Variants in TRA2A observed in about 807,000 individuals in gnomAD.
TRA2A encodes the protein transformer-2 protein homolog alpha.
Under a neutral mutation model 45.7 loss-of-function variants are expected in TRA2A, and 31 were observed. The ratio of observed to expected loss-of-function variants is 0.68; its 90% confidence interval spans 0.51 to 0.92. The LOEUF (loss-of-function observed/expected upper bound fraction) is 0.92, where lower values mean the gene tolerates loss of function less well. Among genes scored for constraint, TRA2A ranks in the 40% least tolerant of loss-of-function variants. The pLI, the probability that TRA2A is intolerant of heterozygous loss-of-function variation, is 0.00. For missense variants in TRA2A, 304 were observed against 367.5 expected (o/e 0.83, Z 1.41); for synonymous variants, 132 against 126.2 (o/e 1.05, Z -0.31).
At chr7:23,515,460 G>A (rs1328197158) in intron 3 of TRA2A, among the ~76,000 whole-genome samples, 1 of 151,748 alleles carries the variant, frequency 6.6e-6, no homozygotes, top group South Asian at 2.1e-4. Flanking sequence ...CTCGTGATCC[G>A]CCCACCTCGG....
At chr7:23,516,616 A>C (rs1020938084) in intron 2 of TRA2A, 88 bp from the exon 3 acceptor site, 69 of 1,204,972 alleles carry the variant, frequency 5.7e-5, no homozygotes, top group Non-Finnish European at 8.4e-6. Context: ...TATATCCCTA[A>C]CTATTCTCAG....
intron 5 of TRA2A, 185 bp from the exon 6 acceptor site, chr7:23,506,451 A>T: frequency 3.5e-6 from 2 of 568,214 alleles, no homozygotes; most frequent in Middle Eastern, 4.3e-4. Context: ...CTACATACAT[A>T]ATCAAGAAGG....
chr7:23,524,993 T>C (rs1303260065), intron 1 of TRA2A, among the ~76,000 whole-genome samples: 1 of 152,158 alleles, frequency 6.6e-6, no homozygotes, highest in Non-Finnish European at 1.5e-5. Flanking sequence ...CCCAGCTTCA[T>C]TTTAACTTTC....
chr7:23,511,431 A>C (rs188339241), intron 4 of TRA2A, among the ~76,000 whole-genome samples: 145 of 145,994 alleles, frequency 9.9e-4, no homozygotes, highest in Non-Finnish European at 1.8e-3. Flanking sequence ...GAAAAGAAAA[A>C]CACCCTGATT....
intron 4 of TRA2A, among the ~76,000 whole-genome samples, chr7:23,510,951 C>A (rs1789573447): frequency 1.3e-5 from 2 of 152,144 alleles, no homozygotes; most frequent in South Asian, 4.1e-4. Flanking sequence ...GGTTTCTCAA[C>A]CTTAGCACTA....
Position 23,505,585 on chromosome 7 carries a change from C to CAAAAAAAAAAAAAAAAAAAAA in TRA2A, c.839-37_839-17dup, listed in dbSNP as rs5882904. On this transcript the variant is annotated splice_polypyrimidine_tract_variant and intron_variant, in intron 7 of 7. Transcript: ENST00000297071. ...CAATAGCGTCCTAAAAGAGAAAAAGCAAAAAAAAAAAAAAAAAAAAAAAGT... is the reference window on the plus strand; with the variant it reads ...CAATAGCGTCCTAAAAGAGAAAAAGCAAAAAAAAAAAAAAAAAAAAAAAAAAAAAAAAAAAAAAAAAAAAGT... 20 of 244,994 alleles carry CAAAAAAAAAAAAAAAAAAAAA rather than the reference C, an allele frequency of 8.2e-5. No homozygotes were observed. The highest frequency in any genetic ancestry group is 5.1e-4 in the South Asian group (5 of 9,820). The allele number at this position is 244,994 out of a possible 1,614,324, so 15.2% of individuals were successfully genotyped here.
intron 5 of TRA2A, among the ~76,000 whole-genome samples, chr7:23,506,657 G>C (rs1421461833): frequency 6.6e-6 from 1 of 152,084 alleles, no homozygotes; most frequent in East Asian, 1.9e-4. Flanking sequence ...GTGACTAAAA[G>C]GCAATAAACA....
At chr7:23,518,454 G>A (rs1789986081) in intron 2 of TRA2A, among the ~76,000 whole-genome samples, 1 of 152,058 alleles carries the variant, frequency 6.6e-6, no homozygotes, top group African/African-American at 2.4e-5. Flanking sequence ...TGATTCTCCT[G>A]CCTCAGCCTC....
chr7:23,522,268 TAAAA>T, intron 1 of TRA2A: 1 of 1,111,054 alleles, frequency 9.0e-7, no homozygotes, highest in Non-Finnish European at 1.1e-6. Flanking sequence ...AAAATAGCCT[TAAAA>T]AAATATTCAA....
chr7:23,530,910 T>A (rs923248429), intron 1 of TRA2A, among the ~76,000 whole-genome samples: 22 of 88,536 alleles, frequency 2.5e-4, no homozygotes, highest in East Asian at 2.0e-3. Flanking sequence ...GAAAGACAGA[T>A]TTTTTTTTTT....
At chr7:23,510,687 G>A (rs1038099927) in intron 4 of TRA2A, among the ~76,000 whole-genome samples, 2 of 151,964 alleles carry the variant, frequency 1.3e-5, no homozygotes, top group African/African-American at 2.4e-5. Flanking sequence ...AGATAAACAC[G>A]TTTCACATTA....
At chr7:23,512,786 AAG>A (rs1789687124) in intron 4 of TRA2A, 106 bp downstream of exon 4, 1 of 1,009,854 alleles carries the variant, frequency 9.9e-7, no homozygotes, top group Non-Finnish European at 1.4e-6. Context: ...AAAAAAAAAA[AAG>A]AAAAAAAGGA....
At chr7:23,509,770 T>A (rs988883175) in intron 4 of TRA2A, among the ~76,000 whole-genome samples, 2 of 151,380 alleles carry the variant, frequency 1.3e-5, no homozygotes, top group Non-Finnish European at 2.9e-5. Flanking sequence ...AAGTGGCTCA[T>A]GCCTGTAATC....
At chr7:23,507,895 C>T (rs1211606067) in intron 4 of TRA2A, among the ~76,000 whole-genome samples, 1 of 152,154 alleles carries the variant, frequency 6.6e-6, no homozygotes, top group Non-Finnish European at 1.5e-5. Flanking sequence ...AACAGGGGAG[C>T]GGAGACTGAA....
chr7:23,522,073 A>T, intron 1 of TRA2A: 1 of 1,357,022 alleles, frequency 7.4e-7, no homozygotes, highest in Non-Finnish European at 9.5e-7. Context: ...GTAATCATGC[A>T]AATTCATCTA....
At chr7:23,519,116 G>A (rs1011531042) in intron 2 of TRA2A, among the ~76,000 whole-genome samples, 1 of 152,142 alleles carries the variant, frequency 6.6e-6, no homozygotes, top group Non-Finnish European at 1.5e-5. Context: ...CCGACAGGCC[G>A]GGCACGGTGG....
At chr7:23,515,507 A>G (rs1303598648) in intron 3 of TRA2A, among the ~76,000 whole-genome samples, 2 of 149,610 alleles carry the variant, frequency 1.3e-5, no homozygotes, top group African/African-American at 4.9e-5. Flanking sequence ...GTGAGCCACC[A>G]CGCCCGGCCG....
At chr7:23,527,394 T>C (rs1275481282) in intron 1 of TRA2A, among the ~76,000 whole-genome samples, 1 of 152,194 alleles carries the variant, frequency 6.6e-6, no homozygotes, top group Non-Finnish European at 1.5e-5. Flanking sequence ...TTGTTACTAT[T>C]TTTTTCACCT....
At position 23,505,455 on chromosome 7, in the gene TRA2A, T is replaced by C. The variant is rs186016072; in HGVS notation, c.*104A>G. ...GATGCTAAATAAACCAAAGTTTTTT[T>C]CTTAAGGAGTAGGAAGAATCCACAG... is the stretch of plus-strand genomic sequence containing the variant. On this transcript the variant is annotated 3_prime_UTR_variant, in exon 8 of 8. Coordinates refer to ENST00000297071, the MANE Select transcript of TRA2A (RefSeq NM_013293.5). The C allele has an allele frequency of 7.4e-4, 395 of 532,746 alleles. No individual in the cohort carries two copies. The highest frequency in any genetic ancestry group is 1.1e-3 in the Non-Finnish European group (326 of 299,616). 33.0% of individuals were successfully genotyped at this position (532,746 alleles called of 1,614,324 possible).
Sources: allele counts gnomAD v4.1 joint callset (sites outside exome capture counted in the v4.1 genomes callset), GRCh38; gene constraint gnomAD v4.1.1; transcripts MANE v1.5; gene names NCBI Gene and HGNC (gene_info 2026-07-23, HGNC 2026-07-21).